RASGRF1: variants seen among roughly 807,000 people sequenced by gnomAD.
RASGRF1 encodes ras-specific guanine nucleotide-releasing factor 1.
A neutral mutation model predicts 138.7 loss-of-function variants in RASGRF1; 40 were observed. The ratio of observed to expected loss-of-function variants is 0.29; its 90% CI spans 0.22 to 0.38. The LOEUF (loss-of-function observed/expected upper bound fraction) is 0.38. RASGRF1 is among the 10% of genes least tolerant of loss of function. RASGRF1 has a pLI of 1.00. For missense variants in RASGRF1, 1,108 were observed against 1,650.4 expected (o/e 0.67, Z 5.69); for synonymous variants, 614 against 663.2 (o/e 0.93, Z 1.14).
intron 5 of RASGRF1, among the ~76,000 whole-genome samples, chr15:79,045,393 T>C (rs761906041): frequency 1.3e-5 from 2 of 152,264 alleles, no homozygotes; most frequent in Non-Finnish European, 2.9e-5. Context: ...GTTACCTGAT[T>C]TCACACACAC....
At chr15:78,978,206 T>G (rs144075433) in intron 24 of RASGRF1, among the ~76,000 whole-genome samples, 1 of 115,420 alleles carries the variant, frequency 8.7e-6, no homozygotes, top group African/African-American at 3.5e-5. Flanking sequence ...TTCTTTTTCT[T>G]TTTCTTTTCT....
intron 1 of RASGRF1, among the ~76,000 whole-genome samples, chr15:79,079,081 C>T (rs1218745711): frequency 6.6e-6 from 1 of 152,218 alleles, no homozygotes; most frequent in East Asian, 1.9e-4. Context: ...GCCTGGGGGC[C>T]CATGTCAGTG....
chr15:78,985,238 G>A lies in RASGRF1; in HGVS notation c.3217-34C>T, dbSNP rs752361913. ...CGATGCAATAAGACAGGGAAAAAGA[G>A]GAGTAAGTATTGCAAAGATGATAAA... On this transcript the variant is annotated intron_variant, in intron 22 of 26. Transcript: ENST00000558480. 4 of 1,521,522 alleles carry A rather than the reference G, an allele frequency of 2.6e-6. No homozygotes were observed. The South Asian group carries it at 3.4e-5, about 13-fold the overall frequency. The allele number at this position is 1,521,522 out of a possible 1,614,324, so 94.3% of individuals were successfully genotyped here.
At chr15:78,992,756 G>C (rs2056297121) in intron 20 of RASGRF1, among the ~76,000 whole-genome samples, 1 of 152,222 alleles carries the variant, frequency 6.6e-6, no homozygotes, top group South Asian at 2.1e-4. Flanking sequence ...CAGAAGTCCC[G>C]GCTGGGCTGA....
At chr15:79,086,433 G>A (rs13380109) in intron 1 of RASGRF1, among the ~76,000 whole-genome samples, 64,383 of 151,948 alleles carry the variant, frequency 0.42, 13,878 homozygotes, top group East Asian at 0.5. Context: ...TGTAAAATGA[G>A]TGTACTCATT....
At chr15:79,075,808 G>T (rs907899302) in intron 1 of RASGRF1, among the ~76,000 whole-genome samples, 1 of 152,220 alleles carries the variant, frequency 6.6e-6, no homozygotes, top group Non-Finnish European at 1.5e-5. Context: ...TGGCAGTGAA[G>T]CTCAGAGCTG....
chr15:79,075,919 G>C (rs1464491763), intron 1 of RASGRF1, among the ~76,000 whole-genome samples: 1 of 152,190 alleles, frequency 6.6e-6, no homozygotes, highest in Non-Finnish European at 1.5e-5. Context: ...CGTGGTATTA[G>C]AGTGAAGATT....
chr15:79,035,367 T>TG (rs1337658284), intron 5 of RASGRF1, among the ~76,000 whole-genome samples, 157 bp from the exon 6 acceptor site: 2 of 152,244 alleles, frequency 1.3e-5, no homozygotes, highest in Non-Finnish European at 2.9e-5. Flanking sequence ...TCATATAATC[T>TG]GGGGGTGCCT....
At chr15:78,974,278 C>T (rs894799195) in intron 24 of RASGRF1, among the ~76,000 whole-genome samples, 1 of 152,196 alleles carries the variant, frequency 6.6e-6, no homozygotes, top group African/African-American at 2.4e-5. Context: ...AGTGCTCTGC[C>T]GCCTCCTCTC....
At chr15:78,997,932 C>T in intron 19 of RASGRF1, 164 bp downstream of exon 19, 2 of 618,668 alleles carry the variant, frequency 3.2e-6, no homozygotes, top group Admixed American at 2.7e-5. Context: ...CAGCCCTGAG[C>T]CTGCCCCCAA....
At chr15:79,061,430 A>ATATATATATATATATATATATATC (rs933269711) in intron 2 of RASGRF1, among the ~76,000 whole-genome samples, 3 of 147,228 alleles carry the variant, frequency 2.0e-5, no homozygotes, top group African/African-American at 7.5e-5. Flanking sequence ...ATATATATAT[A>ATATATATATATATATATATATATC]TCATTCATTT....
chr15:79,042,707 CT>C (rs1567566214), intron 5 of RASGRF1, among the ~76,000 whole-genome samples: 5 of 152,228 alleles, frequency 3.3e-5, no homozygotes, highest in African/African-American at 1.2e-4. Flanking sequence ...TGCCACCTCT[CT>C]GATCCTGGCT....
chr15:79,089,648 G>A (rs2058027288), intron 1 of RASGRF1, among the ~76,000 whole-genome samples: 1 of 152,232 alleles, frequency 6.6e-6, no homozygotes, highest in African/African-American at 2.4e-5. Flanking sequence ...ACCACCGCTC[G>A]ATGGTACCGA....
intron 1 of RASGRF1, among the ~76,000 whole-genome samples, chr15:79,086,204 G>A (rs1344788539): frequency 1.3e-5 from 2 of 152,106 alleles, no homozygotes; most frequent in Non-Finnish European, 2.9e-5. Flanking sequence ...AGCGTCCCAG[G>A]GTTCTGTGTC....
rs528237918 is a variant in RASGRF1, at chr15:78,991,779, C to T, written c.3043G>A (p.Ala1015Thr). 7 of 1,613,064 alleles carry T rather than the reference C, an allele frequency of 4.3e-6. No individual in the cohort carries two copies. In the Admixed American group the frequency reaches 6.7e-5, roughly 15 times the overall value. ...GCTGAGTGGTTTTCAAAGGGCTCAG[C>T]CTTCACGCCTTCAGCCTGGTTTTGA... The part of the protein sequence containing the change: ...EITQMAEGVK[A>T]EPFENHSALE... Residue 1015 changes from alanine to threonine, a missense_variant, in exon 21 of 27, where the codon GCT becomes ACT. By Grantham distance (58) the Ala-to-Thr change is moderately conservative. Transcript: ENST00000558480.
intron 5 of RASGRF1, among the ~76,000 whole-genome samples, chr15:79,043,831 G>T (rs1480161592): frequency 6.6e-6 from 1 of 152,188 alleles, no homozygotes; most frequent in Non-Finnish European, 1.5e-5. Context: ...TTCAGAGCTG[G>T]AGGATCTTAA....
At chr15:79,021,148 A>G (rs751346844) in intron 10 of RASGRF1, among the ~76,000 whole-genome samples, 1 of 152,246 alleles carries the variant, frequency 6.6e-6, no homozygotes, top group Admixed American at 6.5e-5. Context: ...AAATGCCCTG[A>G]GCCAAGACCA....
chr15:79,038,034 A>G (rs2057246035), intron 5 of RASGRF1, among the ~76,000 whole-genome samples: 1 of 152,136 alleles, frequency 6.6e-6, no homozygotes, highest in African/African-American at 2.4e-5. Context: ...TGGTAATGTG[A>G]GCAATGGGGA....
intron 24 of RASGRF1, chr15:78,978,692 A>T: frequency 9.7e-7 from 1 of 1,028,560 alleles, no homozygotes; most frequent in Non-Finnish European, 1.2e-6. Context: ...TGCCTAGTGA[A>T]ACAGACGCTC....
Sources: gnomAD v4.1 joint callset for allele counts (sites outside exome capture counted in the v4.1 genomes callset) on GRCh38, gnomAD v4.1.1 for gene constraint, MANE v1.5 for transcripts, NCBI Gene and HGNC (gene_info 2026-07-23, HGNC 2026-07-21) for gene names.